TCERG1L: variants seen among roughly 807,000 people sequenced by gnomAD.
TCERG1L encodes transcription elongation regulator 1-like protein.
Under a neutral mutation model 56.3 loss-of-function variants are expected in TCERG1L, and 37 were observed. The ratio of observed to expected loss-of-function variants is 0.66; its 90% CI spans 0.51 to 0.87. The LOEUF (loss-of-function observed/expected upper bound fraction) is 0.87. TCERG1L is among the 40% of genes least tolerant of loss of function. The pLI, the probability that TCERG1L is intolerant of heterozygous loss-of-function variation, is 0.00. For synonymous variants in TCERG1L, 324 were observed against 326.3 expected, an observed-to-expected ratio of 0.99 and a Z score of 0.08; for missense variants, 799 against 774.2, an observed-to-expected ratio of 1.03 and a Z score of -0.38.
intron 8 of TCERG1L, among the ~76,000 whole-genome samples, chr10:131,120,257 G>A (rs1845499825): frequency 6.6e-6 from 1 of 152,204 alleles, no homozygotes; most frequent in South Asian, 2.1e-4. Flanking sequence ...CATGTGCAGA[G>A]GGCAGCACAT....
chr10:131,181,523 C>T (rs1036458101), intron 4 of TCERG1L, among the ~76,000 whole-genome samples: 1 of 152,258 alleles, frequency 6.6e-6, no homozygotes, highest in African/African-American at 2.4e-5. Flanking sequence ...GACAGAGACG[C>T]TAAACATTCA....
intron 7 of TCERG1L, among the ~76,000 whole-genome samples, chr10:131,141,136 A>G (rs1029582818): frequency 6.6e-6 from 1 of 152,128 alleles, no homozygotes; most frequent in Non-Finnish European, 1.5e-5. Flanking sequence ...CTCAGGGAGG[A>G]AGTTCTAGAT....
intron 7 of TCERG1L, among the ~76,000 whole-genome samples, chr10:131,136,354 G>T (rs1222788508): frequency 6.6e-6 from 1 of 151,864 alleles, no homozygotes; most frequent in Non-Finnish European, 1.5e-5. Flanking sequence ...TTTTTTTTGA[G>T]ACGGAGTCTC....
intron 6 of TCERG1L, among the ~76,000 whole-genome samples, chr10:131,153,799 G>T (rs1365403670): frequency 6.6e-6 from 1 of 152,116 alleles, no homozygotes; most frequent in Non-Finnish European, 1.5e-5. Context: ...ATTAGGACTT[G>T]GTAAGAGATT....
At chr10:131,197,875 A>G (rs34011769) in intron 4 of TCERG1L, among the ~76,000 whole-genome samples, 5,481 of 152,324 alleles carry the variant, frequency 0.036, 99 homozygotes, top group Non-Finnish European at 0.042. Context: ...AATTGGCATA[A>G]TCTTTAGACC....
At chr10:131,276,818 G>A (rs774316214) in intron 3 of TCERG1L, among the ~76,000 whole-genome samples, 2 of 152,178 alleles carry the variant, frequency 1.3e-5, no homozygotes, top group African/African-American at 4.8e-5. Flanking sequence ...TCAGTGGATC[G>A]CGGATAAATG....
intron 4 of TCERG1L, among the ~76,000 whole-genome samples, chr10:131,179,288 G>A (rs894585936): frequency 4.6e-5 from 7 of 152,238 alleles, no homozygotes; most frequent in East Asian, 3.9e-4. Context: ...GCCAGGCCAC[G>A]CCCAAGTCAG....
intron 4 of TCERG1L, among the ~76,000 whole-genome samples, chr10:131,246,830 G>A (rs184471775): frequency 8.5e-5 from 13 of 152,330 alleles, no homozygotes; most frequent in South Asian, 4.1e-4. Flanking sequence ...TCCCCCTGCC[G>A]GGAGCATAGA....
chr10:131,214,121 A>G (rs1348577265), intron 4 of TCERG1L, among the ~76,000 whole-genome samples: 1 of 152,212 alleles, frequency 6.6e-6, no homozygotes, highest in Non-Finnish European at 1.5e-5. Flanking sequence ...CCCTTGAAGA[A>G]TGTAGAAATG....
chr10:131,308,413 A>G (rs1411324009), intron 2 of TCERG1L, 22 bp from the exon 3 acceptor site: 3 of 1,606,448 alleles, frequency 1.9e-6, no homozygotes, highest in Non-Finnish European at 2.6e-6. Context: ...TAATGCAAGC[A>G]TAACACTGAA....
At chr10:131,170,637 C>T (rs1285454210) in intron 4 of TCERG1L, among the ~76,000 whole-genome samples, 1 of 152,156 alleles carries the variant, frequency 6.6e-6, no homozygotes, top group Non-Finnish European at 1.5e-5. Flanking sequence ...TAAAAACTCC[C>T]ACGCCAGTCA....
rs1845518480 is a variant in TCERG1L at position 131,121,909 on chromosome 10, G to A, written c.1260-4975C>T. 2.0e-5 allele frequency among the ~76,000 whole-genome samples: 3 copies of A among 152,224 alleles called. No homozygotes were observed. In the South Asian group the frequency reaches 6.2e-4, roughly 32 times the overall value. On this transcript the variant is annotated intron_variant, in intron 8 of 11. Transcript: ENST00000368642. ...CGTATAGTCTTGTCTCAGCCTGCAG[G>A]TACCACACCACCATCAGGGGTCCCC...
chr10:131,146,624 G>A lies in TCERG1L; in HGVS notation c.1071C>T (p.Phe357=), dbSNP rs1435266315. Residue 357 remains phenylalanine, a synonymous_variant, in exon 7 of 12, where the codon TTC becomes TTT. Transcript: ENST00000368642. ...VVWTGDDRVF[F]FNPTMHLSVW... ...CAGACAGGTGCATCGTTGGGTTGAA[G>A]AAGAAAACTCGGTCATCGCCCGTCC... 2 of 1,613,776 alleles carry A rather than the reference G, an allele frequency of 1.2e-6. No individual in the cohort carries two copies. The highest frequency in any genetic ancestry group is 1.6e-4 in the Middle Eastern group (1 of 6,062).
At chr10:131,144,910 C>T (rs913239569) in intron 7 of TCERG1L, among the ~76,000 whole-genome samples, 1 of 152,214 alleles carries the variant, frequency 6.6e-6, no homozygotes, top group African/African-American at 2.4e-5. Context: ...AGCCCTGAGA[C>T]CGCAGGTGGC....
At chr10:131,250,671 G>T (rs974851354) in intron 4 of TCERG1L, among the ~76,000 whole-genome samples, 1 of 152,144 alleles carries the variant, frequency 6.6e-6, no homozygotes, top group Non-Finnish European at 1.5e-5. Flanking sequence ...CCTGCCCGGG[G>T]CCTGCCCTAA....
intron 3 of TCERG1L, among the ~76,000 whole-genome samples, chr10:131,265,084 A>G (rs7909338): frequency 6.6e-6 from 1 of 151,932 alleles, no homozygotes; most frequent in South Asian, 2.1e-4. Context: ...TTTTTAACGA[A>G]CTCAATCTGT....
intron 3 of TCERG1L, among the ~76,000 whole-genome samples, chr10:131,269,923 C>G (rs760053450): frequency 6.6e-6 from 1 of 152,172 alleles, no homozygotes; most frequent in Non-Finnish European, 1.5e-5. Context: ...AAGCCTCGCA[C>G]CAAACCCGCA....
At chr10:131,251,122 C>T (rs1678873183) in intron 4 of TCERG1L, among the ~76,000 whole-genome samples, 1 of 152,190 alleles carries the variant, frequency 6.6e-6, no homozygotes, top group Admixed American at 6.5e-5. Context: ...CCTTTCAAGA[C>T]ACTGAGAAAT....
In TCERG1L at chr10:131,146,567, G is replaced by C. The variant is rs761953296; in HGVS notation, c.1128C>G (p.Arg376=). Residue 376 remains arginine (R), a synonymous_variant, in exon 7 of 12, where the codon CGC becomes CGG. Transcript: ENST00000368642. ...VWEKPMDLKD[R]GDLNRIIEDP... ...CCTCAATGATCCTGTTGAGGTCTCC[G>C]CGGTCCTTCAGGTCCATGGGCTTCT... 1 of 1,613,922 alleles carries C rather than the reference G, an allele frequency of 6.2e-7. No individual in the cohort carries two copies. The highest frequency in any genetic ancestry group is 8.5e-7 in the Non-Finnish European group (1 of 1,179,856).
Sources: allele counts gnomAD v4.1 joint callset (sites outside exome capture counted in the v4.1 genomes callset), GRCh38; gene constraint gnomAD v4.1.1; transcripts MANE v1.5; gene names NCBI Gene and HGNC (gene_info 2026-07-23, HGNC 2026-07-21).